The following OSCP1 variants were observed in gnomAD, a reference collection of about 807,000 sequenced individuals.
OSCP1 encodes organic solute carrier partner 1.
Under a neutral mutation model 45.1 loss-of-function variants are expected in OSCP1, and 35 were observed. The ratio of observed to expected loss-of-function variants is 0.78; its 90% CI spans 0.59 to 1.03. The LOEUF (loss-of-function observed/expected upper bound fraction) is 1.03. OSCP1 is among the 50% of genes least tolerant of loss of function. The pLI is 0.00. For missense variants in OSCP1, 400 were observed against 470.7 expected (o/e 0.85, Z 1.39); for synonymous variants, 179 against 180.1 (o/e 0.99, Z 0.05).
At chr1:36,444,786 A>T (rs1255139550) in intron 1 of OSCP1, among the ~76,000 whole-genome samples, 1 of 152,202 alleles carries the variant, frequency 6.6e-6, no homozygotes, top group African/African-American at 2.4e-5. Context: ...CTGGCTATAT[A>T]AACTTCAAGC....
chr1:36,429,222 C>CA (rs887944432), intron 4 of OSCP1, among the ~76,000 whole-genome samples: 3 of 151,796 alleles, frequency 2.0e-5, no homozygotes, highest in Non-Finnish European at 2.9e-5. Context: ...TCTGTCTCTA[C>CA]AAAAAATACA....
rs1408890678 is a variant in OSCP1, at chr1:36,447,183, G to A, written c.112+3075C>T. Among the ~76,000 whole-genome samples the A allele has an allele frequency of 6.6e-6, 1 of 152,120 alleles. No individual in the cohort carries two copies. Among genetic ancestry groups the A allele is most frequent in the African/African-American group, 2.4e-5 (1 of 41,408 alleles). On this transcript the variant is annotated intron_variant, in intron 1 of 9. Transcript: ENST00000235532. The surrounding 1 kb of genome is among the most constrained non-coding windows in gnomAD (Gnocchi z 4.1). ...ACAGGGATCTGTTACAGGGGCTCTCGCTCCTGTGGCCACAACAACTTTAAA... is the reference window on the plus strand; with the variant it reads ...ACAGGGATCTGTTACAGGGGCTCTCACTCCTGTGGCCACAACAACTTTAAA...
intron 1 of OSCP1, among the ~76,000 whole-genome samples, chr1:36,445,098 C>G (rs898328700): frequency 1.3e-5 from 2 of 152,126 alleles, no homozygotes; most frequent in Admixed American, 6.5e-5. Context: ...GCCTGTAATC[C>G]CAGAACTTTG....
At position 36,423,478 on chromosome 1, in the gene OSCP1, T is replaced by A. The variant is rs1025423028; in HGVS notation, c.517-12A>T. 1 of 1,571,538 alleles carries A rather than the reference T, an allele frequency of 6.4e-7. No homozygotes were observed. The highest frequency in any genetic ancestry group is 8.7e-7 in the Non-Finnish European group (1 of 1,145,762). ...AGAAACATGGATACCTGGAAAAAAA[T>A]ACATTTATTGTCATTTTTCTTGGTA... On this transcript the variant is annotated splice_polypyrimidine_tract_variant and intron_variant, in intron 4 of 9. Coordinates refer to ENST00000235532, the MANE Select transcript of OSCP1 (RefSeq NM_145047.5).
intron 6 of OSCP1, 67 bp downstream of exon 6, chr1:36,422,701 C>CTTT (rs35889349): frequency 6.7e-5 from 81 of 1,203,140 alleles, no homozygotes; most frequent in South Asian, 1.7e-4. Flanking sequence ...GGCTGTTTCT[C>CTTT]TTTTTTTTTT....
At chr1:36,427,216 G>A (rs904798366) in intron 4 of OSCP1, among the ~76,000 whole-genome samples, 4 of 150,780 alleles carry the variant, frequency 2.7e-5, no homozygotes, top group African/African-American at 9.8e-5. Context: ...TGGCCAGGCT[G>A]GTCTCGAACT....
chr1:36,450,211 C>G (rs1005905013), intron 1 of OSCP1, 47 bp downstream of exon 1: 5 of 1,500,506 alleles, frequency 3.3e-6, no homozygotes, highest in Non-Finnish European at 4.6e-6. Context: ...ATGAGAGGGC[C>G]GGGCTGCTGG....
chr1:36,422,987 G>T, intron 5 of OSCP1, 91 bp from the exon 6 acceptor site: 1 of 1,014,664 alleles, frequency 9.9e-7, no homozygotes, highest in South Asian at 2.7e-5. Flanking sequence ...AACAAAAAAG[G>T]AATACATGCT....
chr1:36,439,942 G>T (rs1022708791), intron 1 of OSCP1, among the ~76,000 whole-genome samples: 1 of 152,182 alleles, frequency 6.6e-6, no homozygotes, highest in Non-Finnish European at 1.5e-5. Context: ...AATAGGAAGA[G>T]GTATGGTTGA....
chr1:36,419,272 T>C, intron 8 of OSCP1: 1 of 545,314 alleles, frequency 1.8e-6, no homozygotes, highest in Non-Finnish European at 3.3e-6. Flanking sequence ...CTGCCAAGAA[T>C]GTTTCTTCCC....
chr1:36,446,429 C>CA (rs1557571196), intron 1 of OSCP1, among the ~76,000 whole-genome samples: 1 of 152,200 alleles, frequency 6.6e-6, no homozygotes, highest in African/African-American at 2.4e-5. Flanking sequence ...AGTGGTGCTG[C>CA]AAGGGGGTCA....
intron 2 of OSCP1, among the ~76,000 whole-genome samples, chr1:36,438,127 G>C (rs1340842762): frequency 6.6e-6 from 1 of 152,098 alleles, no homozygotes; most frequent in African/African-American, 2.4e-5. Context: ...CAACCAGCCT[G>C]ACCAACATGG....
chr1:36,420,788 G>C (rs949933827), intron 7 of OSCP1, among the ~76,000 whole-genome samples, 173 bp from the exon 8 acceptor site: 2 of 152,294 alleles, frequency 1.3e-5, no homozygotes, highest in East Asian at 1.9e-4. Context: ...AAACAATCAC[G>C]TCAGTAGCAG....
At chr1:36,448,227 G>C (rs1334144516) in intron 1 of OSCP1, among the ~76,000 whole-genome samples, 1 of 152,174 alleles carries the variant, frequency 6.6e-6, no homozygotes, top group African/African-American at 2.4e-5. Context: ...TAAGACTCTA[G>C]AGAGTATGTT....
At chr1:36,437,047 T>G (rs1285220945) in intron 2 of OSCP1, among the ~76,000 whole-genome samples, 3 of 152,182 alleles carry the variant, frequency 2.0e-5, no homozygotes, top group African/African-American at 7.2e-5. Flanking sequence ...GACTCATCAC[T>G]GTTGATGTTA....
intron 1 of OSCP1, among the ~76,000 whole-genome samples, chr1:36,449,745 G>C (rs959084391): frequency 1.4e-5 from 2 of 140,084 alleles, no homozygotes; most frequent in Middle Eastern, 8.0e-3. Context: ...GCTGAGGCAC[G>C]AGAATCGCTG....
At chr1:36,433,723 A>G (rs1648528912) in intron 2 of OSCP1, among the ~76,000 whole-genome samples, 1 of 152,196 alleles carries the variant, frequency 6.6e-6, no homozygotes, top group Non-Finnish European at 1.5e-5. Context: ...ATGTAGTAGA[A>G]GTTAGGGGGT....
rs1384622096 is a variant in OSCP1, at chr1:36,431,795, G to T, written c.516+7C>A. The T allele has an allele frequency of 6.2e-7, 1 of 1,613,170 alleles. No individual in the cohort carries two copies. The highest frequency in any genetic ancestry group is 1.1e-5 in the South Asian group (1 of 91,028). ...CTGAGTGTTCCCAGGGCTGCCTATT[G>T]ACTTACTCGGATGTGCAGGTCTTGG... On this transcript the variant is annotated splice_region_variant and intron_variant, in intron 4 of 9. Coordinates refer to ENST00000235532, the MANE Select transcript of OSCP1 (RefSeq NM_145047.5).
intron 3 of OSCP1, 133 bp downstream of exon 3, chr1:36,432,289 C>T: frequency 9.0e-7 from 1 of 1,107,980 alleles, no homozygotes; most frequent in South Asian, 1.6e-5. Flanking sequence ...GATTGCTTTT[C>T]AGAATGTTCT....
Sources: allele counts gnomAD v4.1 joint callset (sites outside exome capture counted in the v4.1 genomes callset), GRCh38; gene constraint gnomAD v4.1.1; non-coding constraint Gnocchi (gnomAD v3.1); transcripts MANE v1.5; gene names NCBI Gene and HGNC (gene_info 2026-07-23, HGNC 2026-07-21).